HTR6: variants seen among roughly 807,000 people sequenced by gnomAD.
HTR6 encodes the protein 5-hydroxytryptamine receptor 6.
Under a neutral mutation model 17.4 loss-of-function variants are expected in HTR6, and 15 were observed. The ratio of observed to expected loss-of-function variants is 0.86; its 90% CI spans 0.58 to 1.33. HTR6 has a LOEUF of 1.33. Among genes scored for constraint, HTR6 ranks in the 40% most tolerant of loss-of-function variants. The probability of loss-of-function intolerance (pLI) is 0.00; values close to 1 mark genes in which losing one functional copy is unlikely to be tolerated. For missense variants in HTR6, 578 were observed against 616.0 expected, an observed-to-expected ratio of 0.94 and a Z score of 0.65; for synonymous variants, 326 against 295.5, an observed-to-expected ratio of 1.10 and a Z score of -1.06.
rs2095099213 is a variant in HTR6, at chr1:19,679,625, A to G, written c.*257A>G. ...CTTGTGTGTGCAGAGGATGGGCTGG[A>G]GGACTCTGGATGTTGGGGAGAAGGA... On this transcript the variant is annotated 3_prime_UTR_variant, in exon 3 of 3. Coordinates refer to ENST00000289753, the MANE Select transcript of HTR6 (RefSeq NM_000871.3). This position sits in a 1 kb window ranked among gnomAD's most constrained non-coding sequence, Gnocchi z 4.9. 1 of 487,224 alleles carries G rather than the reference A, an allele frequency of 2.1e-6. No individual in the cohort carries two copies. Among genetic ancestry groups the G allele is most frequent in the Non-Finnish European group, 3.5e-6 (1 of 282,344 alleles). 30.2% of individuals were successfully genotyped at this position (487,224 alleles called of 1,614,324 possible).
In HTR6 at chr1:19,666,534, C is replaced by CAGGGG; in HGVS notation, c.714+67_714+68insAGGGG. The CAGGGG allele has an allele frequency of 2.5e-6, 3 of 1,181,910 alleles. No homozygotes were observed. Among genetic ancestry groups the CAGGGG allele is most frequent in the Non-Finnish European group, 3.5e-6 (3 of 850,472 alleles). The allele number at this position is 1,181,910 out of a possible 1,614,324, so 73.2% of individuals were successfully genotyped here. ...AGGAATGAGCAGCCCCTGGGGACCC[C>CAGGGG]CTGGGCATCCCCACTTAGCACACAT... is the stretch of plus-strand genomic sequence containing the variant. On this transcript the variant is annotated intron_variant, in intron 1 of 2. Coordinates refer to ENST00000289753, the MANE Select transcript of HTR6 (RefSeq NM_000871.3). The surrounding 1 kb of genome is among the most constrained non-coding windows in gnomAD (Gnocchi z 4.5).
chr1:19,674,494 C>T (rs1242514371), intron 1 of HTR6, among the ~76,000 whole-genome samples: 3 of 150,028 alleles, frequency 2.0e-5, no homozygotes, highest in African/African-American at 4.9e-5. Context: ...GCAGCCTCCA[C>T]CTCCTGGGTT....
rs546909038 is a variant in HTR6, at chr1:19,680,386, G to A, written c.*1018G>A. Among the ~76,000 whole-genome samples, 148 of 152,322 alleles carry A rather than the reference G, an allele frequency of 9.7e-4. No homozygotes were observed. Among genetic ancestry groups the A allele is most frequent in the African/African-American group, 3.5e-3 (144 of 41,578 alleles). On this transcript the variant is annotated 3_prime_UTR_variant, in exon 3 of 3. Coordinates refer to ENST00000289753, the MANE Select transcript of HTR6 (RefSeq NM_000871.3). Reference sequence around the variant, plus strand: ...CCCAACTCCCTGTTCTGGCTCCTGGGTGGGGACCCCATCTCTCAGGGACCC... The same window carrying A: ...CCCAACTCCCTGTTCTGGCTCCTGGATGGGGACCCCATCTCTCAGGGACCC...
intron 1 of HTR6, among the ~76,000 whole-genome samples, chr1:19,669,172 C>T (rs948221725): frequency 3.3e-5 from 5 of 152,196 alleles, no homozygotes; most frequent in African/African-American, 9.6e-5. Flanking sequence ...GAGGTTGGGG[C>T]GGGAGAGATC....
In HTR6 at chr1:19,678,924, G is replaced by A; in HGVS notation, c.879G>A (p.Val293=). The A allele has an allele frequency of 6.2e-7, 1 of 1,600,182 alleles. No individual in the cohort carries two copies. The highest frequency in any genetic ancestry group is 8.5e-7 in the Non-Finnish European group (1 of 1,169,982). ...PFFVANIVQA[V]CDCISPGLFD... ...GATGCATCCCCTCCCCCCAGGCCGT[G>A]TGCGACTGCATCTCCCCAGGCCTCT... Residue 293 remains valine, a synonymous_variant, in exon 3 of 3, where the codon GTG becomes GTA. Transcript: ENST00000289753.
chr1:19,667,705 G>A (rs745306880), intron 1 of HTR6, among the ~76,000 whole-genome samples: 7 of 152,300 alleles, frequency 4.6e-5, no homozygotes, highest in African/African-American at 9.6e-5. Context: ...CAGTGCCTGG[G>A]AATGGGGTAG....
At chr1:19,673,858 GTC>G (rs1553120192) in intron 1 of HTR6, among the ~76,000 whole-genome samples, 2 of 119,312 alleles carry the variant, frequency 1.7e-5, no homozygotes, top group African/African-American at 6.0e-5. Context: ...GTCCTTCTAG[GTC>G]TTTTTTTTTT....
intron 1 of HTR6, among the ~76,000 whole-genome samples, chr1:19,667,793 C>T (rs889929720): frequency 7.9e-5 from 12 of 152,212 alleles, no homozygotes; most frequent in African/African-American, 2.9e-4. Flanking sequence ...GCACCTGACT[C>T]CTATTGACCC....
intron 1 of HTR6, 149 bp from the exon 2 acceptor site, chr1:19,678,418 T>C (rs2095096964): frequency 4.2e-6 from 4 of 944,360 alleles, no homozygotes; most frequent in Non-Finnish European, 5.0e-6. Context: ...TCTAGGACTC[T>C]AGTTGGGACT....
intron 1 of HTR6, among the ~76,000 whole-genome samples, chr1:19,676,396 A>G (rs2095094515): frequency 6.6e-6 from 1 of 152,162 alleles, no homozygotes; most frequent in Non-Finnish European, 1.5e-5. Flanking sequence ...TCACCAAGAC[A>G]GAAGGGAGAA....
chr1:19,677,690 G>A (rs750643943), intron 1 of HTR6, among the ~76,000 whole-genome samples: 3 of 152,108 alleles, frequency 2.0e-5, no homozygotes, highest in Non-Finnish European at 4.4e-5. Context: ...GCCAAGCTCT[G>A]GACAGTAACA....
At chr1:19,677,516 A>G (rs1401923260) in intron 1 of HTR6, among the ~76,000 whole-genome samples, 1 of 152,148 alleles carries the variant, frequency 6.6e-6, no homozygotes, top group Admixed American at 6.5e-5. Flanking sequence ...ATAAAATGCC[A>G]AGGTAACCAG....
intron 1 of HTR6, among the ~76,000 whole-genome samples, chr1:19,674,841 G>A (rs2095092345): frequency 6.6e-6 from 1 of 152,256 alleles, no homozygotes; most frequent in Admixed American, 6.5e-5. Flanking sequence ...CTGTATGTGT[G>A]ATTGTTGGCT....
At chr1:19,676,663 TG>T (rs890086697) in intron 1 of HTR6, among the ~76,000 whole-genome samples, 3 of 151,694 alleles carry the variant, frequency 2.0e-5, no homozygotes, top group African/African-American at 7.3e-5. Context: ...CGCAGCAGAG[TG>T]GGGTGGGGTG....
rs2095099281 is a variant in HTR6, at chr1:19,679,700, G to C, written c.*332G>C. The C allele has an allele frequency of 3.3e-6, 1 of 307,652 alleles. No homozygotes were observed. The highest frequency in any genetic ancestry group is 4.6e-5 in the Admixed American group (1 of 21,924). The allele number at this position is 307,652 out of a possible 1,614,324, so 19.1% of individuals were successfully genotyped here. On this transcript the variant is annotated 3_prime_UTR_variant, in exon 3 of 3. Transcript: ENST00000289753. This position sits in a 1 kb window ranked among gnomAD's most constrained non-coding sequence, Gnocchi z 4.9. ...AACAATCATGACCTTTGCCCATTCT[G>C]TCAGGCTGGACGGGAGGGAATGCCC...
chr1:19,676,839 G>A (rs753560740), intron 1 of HTR6, among the ~76,000 whole-genome samples: 2 of 152,170 alleles, frequency 1.3e-5, no homozygotes, highest in Non-Finnish European at 2.9e-5. Context: ...GGGCTCTCAC[G>A]CAATTTAGGA....
Position 19,667,982 on chromosome 1 carries a change from G to C in HTR6, c.714+1515G>C, listed in dbSNP as rs559349918. Among the ~76,000 whole-genome samples, 5 of 152,284 alleles carry C rather than the reference G, an allele frequency of 3.3e-5. No individual in the cohort carries two copies. The East Asian group carries it at 9.6e-4, about 29-fold the overall frequency. On this transcript the variant is annotated intron_variant, in intron 1 of 2. Transcript: ENST00000289753. ...TGGGGACTTGGCAGAGGGGTGAAAG[G>C]CTAACACCCTCCTTGGCAGTCCCCC...
chr1:19,678,671 G>C lies in HTR6; in HGVS notation c.819G>C (p.Leu273=). 6.2e-7 allele frequency: 1 copy of C among 1,613,858 alleles called. No homozygotes were observed. Among genetic ancestry groups the C allele is most frequent in the Non-Finnish European group, 8.5e-7 (1 of 1,179,904 alleles). ...ALKASLTLGI[L]LGMFFVTWLP... ...AGGCCAGCCTGACGCTGGGCATCCT[G>C]CTGGGCATGTTCTTTGTGACCTGGT... is the stretch of plus-strand genomic sequence containing the variant. The change falls in exon 2 of 3, where the codon CTG becomes CTC. Residue 273 remains leucine (L), a synonymous_variant. Coordinates refer to ENST00000289753, the MANE Select transcript of HTR6 (RefSeq NM_000871.3).
chr1:19,669,590 T>C (rs1320255833), intron 1 of HTR6, among the ~76,000 whole-genome samples: 2 of 152,116 alleles, frequency 1.3e-5, no homozygotes, highest in Admixed American at 1.3e-4. Flanking sequence ...CCTTGCCCCT[T>C]TTCTTCTCTG....
Sources: gnomAD v4.1 joint callset for allele counts (sites outside exome capture counted in the v4.1 genomes callset) on GRCh38, gnomAD v4.1.1 for gene constraint, Gnocchi (gnomAD v3.1) non-coding constraint, MANE v1.5 for transcripts, NCBI Gene and HGNC (gene_info 2026-07-23, HGNC 2026-07-21) for gene names.